Variants in SLC9D1 observed in about 807,000 individuals in gnomAD.
SLC9D1 encodes putative LAG1-interacting protein.
the SLC9D1 span, chr13:113,528,830 G>A: frequency 1.3e-5 from 2 of 152,188 alleles, no homozygotes; most frequent in Admixed American, 1.3e-4. Context: ...CCGCCACATC[G>A]GAATCAGTTC....
chr13:113,548,323 C>A, the SLC9D1 span: 4 of 1,614,072 alleles, frequency 2.5e-6, no homozygotes, highest in Non-Finnish European at 3.4e-6. Context: ...CGGCGCTGGT[C>A]CTGTCTCTCA....
the SLC9D1 span, chr13:113,498,288 T>C: frequency 3.1e-6 from 4 of 1,300,042 alleles, no homozygotes; most frequent in African/African-American, 4.6e-5. Flanking sequence ...AAGAAAGTCA[T>C]GTCCTAGCTT....
At chr13:113,524,672 T>C in the SLC9D1 span, among the ~76,000 whole-genome samples, 2 of 152,194 alleles carry the variant, frequency 1.3e-5, no homozygotes, top group Non-Finnish European at 1.5e-5. Flanking sequence ...CCTTGCCGTG[T>C]AATTCACTTT....
At chr13:113,535,976 G>A in the SLC9D1 span, among the ~76,000 whole-genome samples, 1 of 152,222 alleles carries the variant, frequency 6.6e-6, no homozygotes, top group Non-Finnish European at 1.5e-5. This position sits in a 1 kb window ranked among gnomAD's most constrained non-coding sequence, Gnocchi z 4.1. Flanking sequence ...CACCTGAGTG[G>A]GATCTTGTGC....
the SLC9D1 span, among the ~76,000 whole-genome samples, chr13:113,519,424 A>G: frequency 2.6e-5 from 4 of 151,950 alleles, no homozygotes; most frequent in South Asian, 4.2e-4. Flanking sequence ...TTTTAGAAGC[A>G]TATTTACAGA....
the SLC9D1 span, among the ~76,000 whole-genome samples, chr13:113,517,858 T>TGG: frequency 6.7e-6 from 1 of 150,066 alleles, no homozygotes; most frequent in East Asian, 1.9e-4. Flanking sequence ...GACCTCCTTG[T>TGG]GGGGAGTGTG....
chr13:113,513,265 A>C, the SLC9D1 span, among the ~76,000 whole-genome samples: 2 of 152,164 alleles, frequency 1.3e-5, no homozygotes, highest in Non-Finnish European at 2.9e-5. Flanking sequence ...ACCATCCAAG[A>C]GTAGGGGGTA....
the SLC9D1 span, among the ~76,000 whole-genome samples, chr13:113,506,338 G>T: frequency 4.8e-4 from 58 of 120,072 alleles, 2 homozygotes; most frequent in African/African-American, 2.3e-3. Flanking sequence ...GGAGGGTAAG[G>T]GGGTGTCAGC....
At chr13:113,543,049 CCCA>C in the SLC9D1 span, among the ~76,000 whole-genome samples, 1 of 134,802 alleles carries the variant, frequency 7.4e-6, no homozygotes, top group African/African-American at 2.8e-5. Flanking sequence ...GTGTGTGACC[CCCA>C]CCTCCTCCCC....
chr13:113,530,507 A>G, the SLC9D1 span: 1 of 152,174 alleles, frequency 6.6e-6, no homozygotes, highest in Admixed American at 6.5e-5. Context: ...GATTTGTACT[A>G]AGTTTTTTCT....
chr13:113,495,656 C>T, the SLC9D1 span: 32 of 1,601,428 alleles, frequency 2.0e-5, no homozygotes, highest in Admixed American at 1.2e-4. Context: ...CTGTGGAGCA[C>T]GAGGAGGTGG....
chr13:113,538,277 TGTG>T, the SLC9D1 span, among the ~76,000 whole-genome samples: 1 of 152,074 alleles, frequency 6.6e-6, no homozygotes, highest in African/African-American at 2.4e-5. Context: ...CTGCTTTGTG[TGTG>T]GTGTGTGTAC....
At chr13:113,545,485 G>T in the SLC9D1 span, among the ~76,000 whole-genome samples, 2 of 152,220 alleles carry the variant, frequency 1.3e-5, no homozygotes. Context: ...TTGAAGGGAG[G>T]TTTCCTGTCT....
At chr13:113,533,233 C>T in the SLC9D1 span, among the ~76,000 whole-genome samples, 74 of 147,896 alleles carry the variant, frequency 5.0e-4, no homozygotes, top group Non-Finnish European at 9.5e-4. Context: ...CTTCTGTGGC[C>T]GTTGTTGATC....
chr13:113,528,724 TAAG>T, the SLC9D1 span: 1 of 146,950 alleles, frequency 6.8e-6, no homozygotes, highest in Non-Finnish European at 1.5e-5. Flanking sequence ...GTCCTTATGA[TAAG>T]AGGGTCCTTA....
the SLC9D1 span, chr13:113,520,675 G>A: frequency 1.9e-6 from 3 of 1,613,898 alleles, no homozygotes; most frequent in Non-Finnish European, 2.5e-6. Context: ...CGTGCAGCTC[G>A]GGCTCTTCAT....
At chr13:113,541,688 A>G in the SLC9D1 span, among the ~76,000 whole-genome samples, 527 of 67,852 alleles carry the variant, frequency 7.8e-3, no homozygotes, top group Middle Eastern at 0.022. Context: ...TACGCACACG[A>G]TCGCTGATCA....
the SLC9D1 span, among the ~76,000 whole-genome samples, chr13:113,502,677 C>T: frequency 1.5e-4 from 23 of 152,340 alleles, no homozygotes; most frequent in Non-Finnish European, 3.2e-4. Flanking sequence ...ACAACACTCA[C>T]GGTGCGAGCA....
At chr13:113,511,012 G>A in the SLC9D1 span, among the ~76,000 whole-genome samples, 1 of 127,216 alleles carries the variant, frequency 7.9e-6, no homozygotes, top group Non-Finnish European at 1.7e-5. Flanking sequence ...GGAAGCCTAG[G>A]CAGGACCGTG....
Sources: gnomAD v4.1 joint callset for allele counts (sites outside exome capture counted in the v4.1 genomes callset) on GRCh38, gnomAD v4.1.1 for gene constraint, Gnocchi (gnomAD v3.1) non-coding constraint, MANE v1.5 for transcripts, NCBI Gene and HGNC (gene_info 2026-07-23, HGNC 2026-07-21) for gene names.